SLCO1A2: variants seen among roughly 807,000 people sequenced by gnomAD.
SLCO1A2 encodes the protein OATP-1.
Under a neutral mutation model 69.0 loss-of-function variants are expected in SLCO1A2, and 67 were observed. The ratio of observed to expected loss-of-function variants is 0.97; its 90% confidence interval spans 0.80 to 1.19. SLCO1A2 has a LOEUF of 1.19. Ranked by LOEUF, SLCO1A2 falls within the 50% of genes most tolerant of loss-of-function variation. SLCO1A2 has a pLI of 0.00. For missense variants in SLCO1A2, 787 were observed against 793.7 expected, an observed-to-expected ratio of 0.99 and a Z score of 0.10; for synonymous variants, 260 against 265.9, an observed-to-expected ratio of 0.98 and a Z score of 0.22.
intron 2 of SLCO1A2, among the ~76,000 whole-genome samples, chr12:21,347,318 A>G (rs146513126): frequency 1.1e-4 from 16 of 152,304 alleles, no homozygotes; most frequent in Admixed American, 3.9e-4. Context: ...TAGAGAAACA[A>G]CAACCAAGAA....
At chr12:21,390,432 G>A (rs1941095238) in intron 1 of SLCO1A2, among the ~76,000 whole-genome samples, 1 of 152,066 alleles carries the variant, frequency 6.6e-6, no homozygotes, top group Admixed American at 6.5e-5. Flanking sequence ...TATATTTATA[G>A]TTAAAATGAT....
chr12:21,308,984 G>T (rs1345126892), intron 4 of SLCO1A2, among the ~76,000 whole-genome samples: 1 of 152,132 alleles, frequency 6.6e-6, no homozygotes. Context: ...AGACCAAGAA[G>T]AAAGATGAAC....
chr12:21,374,261 G>T (rs1265993029), intron 2 of SLCO1A2: 1 of 152,338 alleles, frequency 6.6e-6, no homozygotes, highest in East Asian at 1.9e-4. Flanking sequence ...TTTATTTAAA[G>T]GGTTATTAAG....
chr12:21,284,098 C>T (rs879631192), intron 12 of SLCO1A2, among the ~76,000 whole-genome samples: 6 of 152,080 alleles, frequency 3.9e-5, no homozygotes, highest in Non-Finnish European at 7.3e-5. Context: ...GTCAGTGTAT[C>T]GAAGAGATAT....
intron 2 of SLCO1A2, chr12:21,373,734 G>T (rs567801214): frequency 1.4e-5 from 10 of 701,006 alleles, no homozygotes; most frequent in Non-Finnish European, 2.6e-5. Context: ...AAATCAAAAG[G>T]TAGTAATTTC....
At chr12:21,367,251 C>G (rs1420280685) in intron 2 of SLCO1A2, among the ~76,000 whole-genome samples, 1 of 152,160 alleles carries the variant, frequency 6.6e-6, no homozygotes, top group Non-Finnish European at 1.5e-5. Context: ...AGGTCTCAGT[C>G]TTTCATGTGT....
At chr12:21,418,170 T>C (rs1157534520), upstream of SLCO1A2, among the ~76,000 whole-genome samples, 3 of 152,150 alleles carry the variant, frequency 2.0e-5, no homozygotes, top group South Asian at 4.1e-4. Flanking sequence ...AGCCAAAATC[T>C]AGAGAAAAGA....
Position 21,373,371 on chromosome 12 carries a change from A to G in SLCO1A2, c.-63+1028T>C, listed in dbSNP as rs200933325. On this transcript the variant is annotated intron_variant, in intron 2 of 15. Transcript: ENST00000307378. ...GAAGCAATGGGCATCCTGAAGCTGC[A>G]AGTATTTCTCATTGTGCTCTCTGTT... 94 of 1,613,314 alleles carry G rather than the reference A, an allele frequency of 5.8e-5. No homozygotes were observed. In the African/African-American group the frequency reaches 1.1e-3, roughly 18 times the overall value.
chr12:21,300,547 AG>A lies in SLCO1A2; in HGVS notation c.710del (p.Thr237MetfsTer14). ...ACCATGCACCGACCCAACGAGTGTC[AG>A]TGGGAGTTATGATCAGATCATCTGT... is the stretch of plus-strand genomic sequence containing the variant. Reference protein sequence around the residue: ...VNTDDLIITPTDTRWVGAWWF... With the variant: ...VNTDDLIITPXDTRWVGAWWF... On this transcript the variant is annotated frameshift_variant, in exon 8 of 15. Transcript: ENST00000683939. LOFTEE classifies it high-confidence loss of function. 6.2e-7 allele frequency: 1 copy of A among 1,612,292 alleles called. No homozygotes were observed. Among genetic ancestry groups the A allele is most frequent in the African/African-American group, 1.3e-5 (1 of 74,990 alleles).
chr12:21,392,678 G>A (rs1453414374), intron 1 of SLCO1A2, among the ~76,000 whole-genome samples: 1 of 152,140 alleles, frequency 6.6e-6, no homozygotes, highest in Non-Finnish European at 1.5e-5. Context: ...CTGGCAATGA[G>A]AGTTTTCATA....
chr12:21,387,134 AATTTCTAAGCAGCAAAGC>A (rs1168028560), intron 1 of SLCO1A2, among the ~76,000 whole-genome samples: 1 of 152,090 alleles, frequency 6.6e-6, no homozygotes, highest in Non-Finnish European at 1.5e-5. Flanking sequence ...TGGTGGAAAA[AATTTCTAAGCAGCAAAGC>A]ATTCAAGAGA....
intron 4 of SLCO1A2, among the ~76,000 whole-genome samples, chr12:21,313,573 G>A (rs7962919): frequency 0.27 from 41,527 of 151,946 alleles, 6,051 homozygotes; most frequent in African/African-American, 0.34. Context: ...TTAACTGAGT[G>A]TAGTGGCATG....
intron 12 of SLCO1A2, among the ~76,000 whole-genome samples, chr12:21,276,554 ACC>A (rs137945022): frequency 0.15 from 21,065 of 142,610 alleles, 3,457 homozygotes; most frequent in African/African-American, 0.38. Context: ...ACAAAAAAAA[ACC>A]AAAAAAAACC....
At chr12:21,406,094 C>A (rs1941819353) in intron 1 of SLCO1A2, among the ~76,000 whole-genome samples, 1 of 152,154 alleles carries the variant, frequency 6.6e-6, no homozygotes, top group Admixed American at 6.5e-5. Flanking sequence ...GAAAATAAGT[C>A]AACAATTAAG....
At chr12:21,285,032 C>A (rs1465920578) in intron 12 of SLCO1A2, among the ~76,000 whole-genome samples, 3 of 118,688 alleles carry the variant, frequency 2.5e-5, no homozygotes, top group Non-Finnish European at 5.1e-5. Flanking sequence ...GAAATAGAGA[C>A]ATAAAAAACC....
intron 2 of SLCO1A2, among the ~76,000 whole-genome samples, chr12:21,363,149 A>G (rs1194680653): frequency 2.0e-5 from 3 of 152,214 alleles, no homozygotes; most frequent in Non-Finnish European, 4.4e-5. Flanking sequence ...TTGGAAGTAA[A>G]GCACTCCTCA....
At chr12:21,294,751 T>C (rs1947444797) in intron 10 of SLCO1A2, 1 of 152,184 alleles carries the variant, frequency 6.6e-6, no homozygotes, top group South Asian at 2.1e-4. Flanking sequence ...ATTGATGTAG[T>C]TGAAGAGATT....
upstream of SLCO1A2, among the ~76,000 whole-genome samples, chr12:21,339,592 A>G (rs1181249178): frequency 2.0e-5 from 3 of 151,912 alleles, no homozygotes; most frequent in Non-Finnish European, 4.4e-5. Flanking sequence ...TATATGGAAA[A>G]CTAGTTATAA....
chr12:21,310,632 C>T (rs1239812467), intron 4 of SLCO1A2, among the ~76,000 whole-genome samples: 3 of 152,188 alleles, frequency 2.0e-5, no homozygotes, highest in Non-Finnish European at 2.9e-5. Flanking sequence ...GACGGAGTCT[C>T]GCTATGTCGC....
Sources: gnomAD v4.1 joint callset for allele counts (sites outside exome capture counted in the v4.1 genomes callset) on GRCh38, gnomAD v4.1.1 for gene constraint, MANE v1.5 for transcripts, NCBI Gene and HGNC (gene_info 2026-07-23, HGNC 2026-07-21) for gene names.